TRPM7: variants seen among roughly 807,000 people sequenced by gnomAD.
TRPM7 encodes the protein LTRPC ion channel family member 7.
Under a neutral mutation model 229.7 loss-of-function variants are expected in TRPM7, and 134 were observed. That is an observed-to-expected ratio of 0.58 (90% confidence interval 0.51 to 0.67). The LOEUF (loss-of-function observed/expected upper bound fraction) is 0.67, where lower values mean the gene tolerates loss of function less well. Ranked by LOEUF, TRPM7 falls within the 30% of genes least tolerant of loss-of-function variation. The pLI, the probability that TRPM7 is intolerant of heterozygous loss-of-function variation, is 0.00. For synonymous variants in TRPM7, 699 were observed against 715.2 expected (o/e 0.98, Z 0.36); for missense variants, 1,901 against 2,210.0 (o/e 0.86, Z 2.80).
At chr15:50,576,871 C>T (rs924252434) in intron 31 of TRPM7, among the ~76,000 whole-genome samples, 10 of 152,098 alleles carry the variant, frequency 6.6e-5, no homozygotes, top group Admixed American at 1.3e-4. Context: ...CTTTGGGAGG[C>T]TGAGGTGGAA....
At chr15:50,568,111 C>CAAAAA (rs57093955) in intron 38 of TRPM7, among the ~76,000 whole-genome samples, 187 of 81,364 alleles carry the variant, frequency 2.3e-3, no homozygotes, top group Non-Finnish European at 3.1e-3. Context: ...GACTCTGTCT[C>CAAAAA]AAAAAAAAAA....
chr15:50,599,205 G>A lies in TRPM7; in HGVS notation c.3080C>T (p.Ala1027Val). The part of the protein sequence containing the change: ...PRKAILYPHE[A>V]PSWTLAKDIV... ...ATCTTTAGCAAGAGTCCAAGATGGT[G>A]CTTCATGAGGATAAAGTATTGCCTT... Residue 1027 changes from alanine to valine, a missense_variant, in exon 22 of 39, where the codon GCA (alanine) becomes GTA (valine). Ala to Val is a moderately conservative substitution (Grantham distance 64). Around this residue, in one of 8 missense-constraint regions of TRPM7, gnomAD observed 89 missense variants for 178.2 expected, o/e 0.50. Coordinates refer to ENST00000646667, the MANE Select transcript of TRPM7 (RefSeq NM_017672.6). 2 of 1,613,004 alleles carry A rather than the reference G, an allele frequency of 1.2e-6. No homozygotes were observed. The highest frequency in any genetic ancestry group is 2.7e-5 in the African/African-American group (2 of 74,972).
intron 1 of TRPM7, among the ~76,000 whole-genome samples, chr15:50,665,247 A>G (rs1210633246): frequency 6.6e-6 from 1 of 152,012 alleles, no homozygotes; most frequent in Non-Finnish European, 1.5e-5. Context: ...AAAGTACAAA[A>G]TAAGTCGTGT....
Position 50,560,001 on chromosome 15 carries a change from A to G in TRPM7, c.*1677T>C, listed in dbSNP as rs181359586. 2.0e-4 allele frequency: 27 copies of G among 137,988 alleles called. No individual in the cohort carries two copies. Among genetic ancestry groups the G allele is most frequent in the African/African-American group, 6.8e-4 (25 of 36,940 alleles). 8.5% of individuals were successfully genotyped at this position (137,988 alleles called of 1,614,324 possible). On this transcript the variant is annotated 3_prime_UTR_variant, in exon 39 of 39. Transcript: ENST00000646667. ...GCACTCCAGCCCAAGCAACAGAGCG[A>G]GACTCCGTCTCAAAAAAAAAAAAAA...
chr15:50,679,021 G>C (rs377108839), intron 1 of TRPM7, among the ~76,000 whole-genome samples: 1 of 152,104 alleles, frequency 6.6e-6, no homozygotes, highest in South Asian at 2.1e-4. Flanking sequence ...CTACAGGTGC[G>C]TGCCACCACG....
intron 27 of TRPM7, among the ~76,000 whole-genome samples, chr15:50,586,752 C>T (rs1204658465): frequency 2.6e-5 from 4 of 152,188 alleles, no homozygotes; most frequent in Non-Finnish European, 1.5e-5. Flanking sequence ...GGCATGGTGA[C>T]TCACACCTGT....
intron 13 of TRPM7, among the ~76,000 whole-genome samples, chr15:50,618,002 A>C (rs1230258827): frequency 1.3e-5 from 2 of 152,308 alleles, no homozygotes; most frequent in Admixed American, 1.3e-4. Flanking sequence ...AGCAAGTAAA[A>C]GCTGAAATAA....
intron 27 of TRPM7, among the ~76,000 whole-genome samples, chr15:50,589,355 A>G (rs115503601): frequency 0.014 from 2,065 of 150,576 alleles, 46 homozygotes; most frequent in African/African-American, 0.048. Flanking sequence ...AGAAATGTTA[A>G]ATAGCTGATG....
At chr15:50,619,194 G>A (rs1334736874) in intron 13 of TRPM7, among the ~76,000 whole-genome samples, 1 of 151,340 alleles carries the variant, frequency 6.6e-6, no homozygotes, top group South Asian at 2.1e-4. Context: ...TTCTATCTTG[G>A]ATGACCAGAA....
chr15:50,652,841 G>T (rs184727000), intron 3 of TRPM7, among the ~76,000 whole-genome samples: 21 of 151,936 alleles, frequency 1.4e-4, no homozygotes, highest in African/African-American at 4.6e-4. Flanking sequence ...CTCAAAAAAA[G>T]AAAAAAAGGC....
At chr15:50,598,697 C>A (rs893901380) in intron 22 of TRPM7, among the ~76,000 whole-genome samples, 1 of 152,192 alleles carries the variant, frequency 6.6e-6, no homozygotes, top group Non-Finnish European at 1.5e-5. Flanking sequence ...GGACATTTTC[C>A]TCTAAAGAGA....
At chr15:50,629,780 T>G (rs1262099595) in intron 10 of TRPM7, among the ~76,000 whole-genome samples, 2 of 151,620 alleles carry the variant, frequency 1.3e-5, no homozygotes, top group African/African-American at 4.8e-5. Context: ...ATAAATAATG[T>G]AAACCACTTG....
intron 1 of TRPM7, among the ~76,000 whole-genome samples, chr15:50,664,261 G>A (rs1241809026): frequency 7.1e-6 from 1 of 140,456 alleles, no homozygotes; most frequent in Non-Finnish European, 1.5e-5. Flanking sequence ...AGTGAGCCGA[G>A]ATCGCGCCAC....
In TRPM7 at chr15:50,574,351, A is replaced by G; in HGVS notation, c.5231T>C (p.Leu1744Pro). The change falls in exon 36 of 39, where the codon CTG (leucine) becomes CCG (proline). Residue 1744 changes from leucine (L) to proline (P), a missense_variant. Coordinates refer to ENST00000646667, the MANE Select transcript of TRPM7 (RefSeq NM_017672.6). ...NGDEIIPTNT[L>P]EEIMLAFSHW... ...GCTAAAGGCTAGCATGATCTCTTCC[A>G]GAGTATTAGTTGGAATAATCTCATC... 6.2e-7 allele frequency: 1 copy of G among 1,614,014 alleles called. No homozygotes were observed.
chr15:50,601,372 G>A (rs577084422), intron 21 of TRPM7, among the ~76,000 whole-genome samples: 10 of 152,124 alleles, frequency 6.6e-5, no homozygotes, highest in African/African-American at 2.2e-4. Flanking sequence ...TACTGGGCAC[G>A]GTGGCTCACG....
intron 1 of TRPM7, among the ~76,000 whole-genome samples, chr15:50,685,124 GGGTATAT>G (rs1372615179): frequency 6.6e-6 from 1 of 152,234 alleles, no homozygotes; most frequent in Non-Finnish European, 1.5e-5. Context: ...ACTGGCCAAT[GGGTATAT>G]GGTAGTTCAT....
intron 21 of TRPM7, chr15:50,599,509 G>A: frequency 2.5e-6 from 1 of 398,730 alleles, no homozygotes; most frequent in Non-Finnish European, 4.4e-6. Flanking sequence ...AATCTATTAA[G>A]CTAAGCAAGT....
chr15:50,571,553 A>G (rs915227910), intron 36 of TRPM7, among the ~76,000 whole-genome samples: 2 of 149,482 alleles, frequency 1.3e-5, no homozygotes, highest in African/African-American at 4.9e-5. Flanking sequence ...TGCCTATGAT[A>G]TATCGTTAGG....
intron 29 of TRPM7, 63 bp downstream of exon 29, chr15:50,583,026 A>G: frequency 1.6e-6 from 2 of 1,217,284 alleles, no homozygotes; most frequent in Non-Finnish European, 2.2e-6. Flanking sequence ...CACTTTGTAG[A>G]TCTTATCTAA....
Sources: gnomAD v4.1 joint callset for allele counts (sites outside exome capture counted in the v4.1 genomes callset) on GRCh38, gnomAD v4.1.1 for gene constraint, gnomAD v4.1.1 regional missense constraint, MANE v1.5 for transcripts, NCBI Gene and HGNC (gene_info 2026-07-23, HGNC 2026-07-21) for gene names.